Variants in FHIT observed in about 807,000 individuals in gnomAD.
FHIT encodes bis(5'-adenosyl)-triphosphatase.
FHIT carries 19 observed loss-of-function variants against 17.9 expected under a neutral mutation model. The observed-to-expected ratio is 1.06, with a 90% CI of 0.74 to 1.56. The LOEUF is 1.56. FHIT is among the 40% of genes most tolerant of loss of function. The pLI is 0.00. For missense variants in FHIT, 248 were observed against 189.2 expected, an observed-to-expected ratio of 1.31 and a Z score of -1.82; for synonymous variants, 81 against 69.7, an observed-to-expected ratio of 1.16 and a Z score of -0.81.
chr3:60,372,920 G>C (rs990637934), intron 5 of FHIT, among the ~76,000 whole-genome samples: 2 of 152,184 alleles, frequency 1.3e-5, no homozygotes, highest in African/African-American at 4.8e-5. Flanking sequence ...TAAGTTAATA[G>C]AGATGAATTT....
intron 4 of FHIT, among the ~76,000 whole-genome samples, chr3:60,721,722 C>T (rs545449867): frequency 6.6e-6 from 1 of 152,210 alleles, no homozygotes; most frequent in East Asian, 1.9e-4. Context: ...AATGAGAATA[C>T]ACAGATAATG....
At chr3:60,257,224 A>G (rs1157215556) in intron 5 of FHIT, among the ~76,000 whole-genome samples, 1 of 152,170 alleles carries the variant, frequency 6.6e-6, no homozygotes, top group African/African-American at 2.4e-5. Context: ...GAGAGTTATG[A>G]CTTAACCTAT....
At chr3:60,552,633 G>C (rs1196281730) in intron 4 of FHIT, among the ~76,000 whole-genome samples, 2 of 152,042 alleles carry the variant, frequency 1.3e-5, no homozygotes, top group Non-Finnish European at 2.9e-5. Flanking sequence ...CCTGTTCATT[G>C]CCAACTTGGT....
At chr3:60,978,061 G>A (rs768114918) in intron 3 of FHIT, among the ~76,000 whole-genome samples, 74 of 152,004 alleles carry the variant, frequency 4.9e-4, no homozygotes, top group Non-Finnish European at 9.0e-4. Flanking sequence ...GAGAAGAGGC[G>A]GTGTCAAAGG....
rs140398619 is a variant in FHIT, at chr3:60,419,445, C to T, written c.103+117415G>A. 8.9e-3 allele frequency among the ~76,000 whole-genome samples: 1,348 copies of T among 152,284 alleles called. 21 individuals are homozygous for T. Among genetic ancestry groups the T allele is most frequent in the African/African-American group, 0.03 (1,263 of 41,548 alleles). On this transcript the variant is annotated intron_variant, in intron 5 of 9. Coordinates refer to ENST00000492590, the MANE Select transcript of FHIT (RefSeq NM_002012.4). Reference sequence around the variant, plus strand: ...CTTTCTGTGTCTCTCTGCTTCCTCCCACCACCACTGTAAGCCCCAAATAAA... The same window carrying T: ...CTTTCTGTGTCTCTCTGCTTCCTCCTACCACCACTGTAAGCCCCAAATAAA...
intron 4 of FHIT, among the ~76,000 whole-genome samples, chr3:60,556,277 C>T (rs963571159): frequency 1.3e-5 from 2 of 152,136 alleles, no homozygotes; most frequent in African/African-American, 2.4e-5. Flanking sequence ...GTTTTCTGAG[C>T]ACCAAAGACA....
At chr3:60,500,821 G>C (rs563144739) in intron 5 of FHIT, among the ~76,000 whole-genome samples, 3 of 147,254 alleles carry the variant, frequency 2.0e-5, no homozygotes, top group Non-Finnish European at 3.0e-5. Flanking sequence ...CTATTCATTA[G>C]GTCAGCTGGC....
At chr3:61,069,086 T>G (rs995584276) in intron 2 of FHIT, among the ~76,000 whole-genome samples, 1 of 152,158 alleles carries the variant, frequency 6.6e-6, no homozygotes, top group Non-Finnish European at 1.5e-5. Context: ...AACAGGTTTT[T>G]CTTTTTTATT....
At chr3:61,208,074 C>T (rs1487655427) in intron 1 of FHIT, among the ~76,000 whole-genome samples, 1 of 152,050 alleles carries the variant, frequency 6.6e-6, no homozygotes. Flanking sequence ...CGTTATGTAC[C>T]CCATAGTCAC....
In FHIT at chr3:60,063,866, G is replaced by C. The variant is rs151252535; in HGVS notation, c.104-49714C>G. 2.9e-3 allele frequency among the ~76,000 whole-genome samples: 444 copies of C among 152,260 alleles called. 1 individual carries two copies. The highest frequency in any genetic ancestry group is 1.0e-2 in the African/African-American group (415 of 41,562). ...CCATCCATTGGGTTAAACGCGTTTT[G>C]ATTTATCAATACAAAACAATATGTA... On this transcript the variant is annotated intron_variant, in intron 5 of 9. Coordinates refer to ENST00000492590, the MANE Select transcript of FHIT (RefSeq NM_002012.4).
intron 5 of FHIT, among the ~76,000 whole-genome samples, chr3:60,342,057 ACATTGAATTC>A (rs1710543371): frequency 6.6e-6 from 1 of 152,222 alleles, no homozygotes; most frequent in South Asian, 2.1e-4. Flanking sequence ...ATCACCTCAC[ACATTGAATTC>A]CAAGCCATAC....
intron 5 of FHIT, among the ~76,000 whole-genome samples, chr3:60,260,859 T>A (rs2107609390): frequency 2.0e-5 from 3 of 152,138 alleles, no homozygotes; most frequent in Middle Eastern, 6.8e-3. Flanking sequence ...TCAATGCTCA[T>A]TATATGATAA....
chr3:60,402,935 C>T (rs759334517), intron 5 of FHIT, among the ~76,000 whole-genome samples: 8 of 152,162 alleles, frequency 5.3e-5, no homozygotes, highest in Non-Finnish European at 4.4e-5. Flanking sequence ...GAACAATTAC[C>T]TACTTTCAAG....
intron 3 of FHIT, among the ~76,000 whole-genome samples, chr3:60,993,791 G>A (rs896927793): frequency 2.0e-5 from 3 of 152,176 alleles, no homozygotes; most frequent in African/African-American, 7.2e-5. Flanking sequence ...GTTTGTAGGA[G>A]GAGGTCTGAA....
At chr3:60,995,405 T>G (rs1351826134) in intron 3 of FHIT, among the ~76,000 whole-genome samples, 1 of 152,152 alleles carries the variant, frequency 6.6e-6, no homozygotes, top group Non-Finnish European at 1.5e-5. Flanking sequence ...TTCTACCATA[T>G]GAAAGTTAAC....
At chr3:60,190,205 C>T (rs1702340742) in intron 5 of FHIT, among the ~76,000 whole-genome samples, 1 of 152,012 alleles carries the variant, frequency 6.6e-6, no homozygotes. Context: ...ATCACAGAAC[C>T]AAAATAACGT....
chr3:60,889,212 C>A lies in FHIT; in HGVS notation c.-110-67201G>T, dbSNP rs549814666. On this transcript the variant is annotated intron_variant, in intron 3 of 9. Coordinates refer to ENST00000492590, the MANE Select transcript of FHIT (RefSeq NM_002012.4). ...ACCCCCTCACTCTCTTTAAATTAGC[C>A]AATTGGAATTAGTTTCGCCTGCGTG... Among the ~76,000 whole-genome samples, 6 of 152,198 alleles carry A rather than the reference C, an allele frequency of 3.9e-5. No individual in the cohort carries two copies. In the East Asian group the frequency reaches 1.2e-3, roughly 30 times the overall value.
intron 7 of FHIT, among the ~76,000 whole-genome samples, chr3:59,988,317 G>A (rs1011068974): frequency 1.3e-5 from 2 of 152,006 alleles, no homozygotes; most frequent in East Asian, 1.9e-4. Context: ...ACTTACTCTC[G>A]CATCTCTCTT....
chr3:60,198,868 G>T (rs1367946945), intron 5 of FHIT, among the ~76,000 whole-genome samples: 2 of 152,098 alleles, frequency 1.3e-5, no homozygotes, highest in Non-Finnish European at 2.9e-5. Context: ...AAGGAATGAA[G>T]GCTTATTAAT....
Sources: allele counts gnomAD v4.1 joint callset (sites outside exome capture counted in the v4.1 genomes callset), GRCh38; gene constraint gnomAD v4.1.1; transcripts MANE v1.5; gene names NCBI Gene and HGNC (gene_info 2026-07-23, HGNC 2026-07-21).